CHD7: variants seen among roughly 807,000 people sequenced by gnomAD.
CHD7 encodes chromodomain helicase DNA binding protein 7.
CHD7 carries 24 observed loss-of-function variants against 307.3 expected under a neutral mutation model. That is an observed-to-expected ratio of 0.08 (90% CI 0.06 to 0.11). CHD7 has a LOEUF of 0.11. Ranked by LOEUF, CHD7 falls within the 10% of genes least tolerant of loss-of-function variation. CHD7 has a pLI of 1.00. For synonymous variants in CHD7, 1,363 were observed against 1,349.9 expected, an observed-to-expected ratio of 1.01 and a Z score of -0.21; for missense variants, 3,106 against 3,727.1, an observed-to-expected ratio of 0.83 and a Z score of 4.34.
At chr8:60,826,426 A>G (rs1804256293) in intron 13 of CHD7, among the ~76,000 whole-genome samples, 1 of 152,252 alleles carries the variant, frequency 6.6e-6, no homozygotes, top group Non-Finnish European at 1.5e-5. Context: ...TTAAATCCTT[A>G]CTTAAAATAA....
At chr8:60,800,332 A>T in intron 4 of CHD7, 56 bp from the exon 5 acceptor site, 1 of 1,577,228 alleles carries the variant, frequency 6.3e-7, no homozygotes, top group Non-Finnish European at 8.6e-7. Flanking sequence ...GCGCTCGGCC[A>T]CATTTTTCTT....
chr8:60,719,782 C>A (rs571179074), intron 1 of CHD7, among the ~76,000 whole-genome samples: 1 of 152,140 alleles, frequency 6.6e-6, no homozygotes, highest in South Asian at 2.1e-4. Context: ...CTTCTCATCC[C>A]CACAGGTCTT....
chr8:60,805,332 G>A (rs889278141), intron 6 of CHD7, among the ~76,000 whole-genome samples: 1 of 152,096 alleles, frequency 6.6e-6, no homozygotes, highest in African/African-American at 2.4e-5. Context: ...ATAGTTTTAG[G>A]GGCAAGAAGG....
rs2150749837 is a variant in CHD7 at position 60,822,366 on chromosome 8, T to C, written c.2958-137T>C. ...TCTTTGAGAATTTTGTTTGAAAATATATTTTGTTGAATCTAAGAGAACATC... is the reference window on the plus strand; with the variant it reads ...TCTTTGAGAATTTTGTTTGAAAATACATTTTGTTGAATCTAAGAGAACATC... On this transcript the variant is annotated intron_variant, in intron 11 of 37. Transcript: ENST00000423902. 5.8e-6 allele frequency: 5 copies of C among 863,496 alleles called. No individual in the cohort carries two copies. In the South Asian group the frequency reaches 1.1e-4, roughly 18 times the overall value. 53.5% of individuals were successfully genotyped at this position (863,496 alleles called of 1,614,324 possible).
At chr8:60,860,557 C>T (rs1805922676) in intron 34 of CHD7, among the ~76,000 whole-genome samples, 1 of 152,248 alleles carries the variant, frequency 6.6e-6, no homozygotes, top group African/African-American at 2.4e-5. Flanking sequence ...GCCCCAGCCT[C>T]CCAGGTAGCT....
intron 1 of CHD7, among the ~76,000 whole-genome samples, chr8:60,700,259 A>T (rs1486438006): frequency 6.6e-6 from 1 of 152,178 alleles, no homozygotes. Context: ...GCTCTTTCTA[A>T]CCATATTGGC....
intron 8 of CHD7, among the ~76,000 whole-genome samples, chr8:60,817,469 A>G (rs1803804009): frequency 6.6e-6 from 1 of 152,188 alleles, no homozygotes; most frequent in African/African-American, 2.4e-5. Context: ...TCTGATTTCC[A>G]TGGTCCCAAC....
At chr8:60,739,324 C>A (rs75319595) in intron 1 of CHD7, among the ~76,000 whole-genome samples, 1,975 of 152,304 alleles carry the variant, frequency 0.013, 13 homozygotes, top group Non-Finnish European at 0.019. Flanking sequence ...TTATCAAGTC[C>A]ATTCCAGTAT....
chr8:60,821,653 CACATACATAT>C, intron 9 of CHD7, 127 bp from the exon 10 acceptor site: 2 of 597,880 alleles, frequency 3.3e-6, no homozygotes, highest in South Asian at 3.4e-5. Flanking sequence ...CATATATATA[CACATACATAT>C]ATATGTATAA....
At chr8:60,846,837 G>T (rs1458947470) in intron 23 of CHD7, among the ~76,000 whole-genome samples, 1 of 152,202 alleles carries the variant, frequency 6.6e-6, no homozygotes, top group African/African-American at 2.4e-5. Flanking sequence ...AGCCAGTTAG[G>T]GGGCAGAACC....
intron 1 of CHD7, among the ~76,000 whole-genome samples, chr8:60,692,457 T>C (rs1806245550): frequency 6.6e-6 from 1 of 152,232 alleles, no homozygotes; most frequent in Non-Finnish European, 1.5e-5. Flanking sequence ...TAAGCTACAG[T>C]AACTATTTTG....
intron 16 of CHD7, 63 bp from the exon 17 acceptor site, chr8:60,836,754 A>G: frequency 8.2e-7 from 1 of 1,214,616 alleles, no homozygotes; most frequent in Non-Finnish European, 1.2e-6. Context: ...TAAAAATTAA[A>G]AAAAGGAGCA....
At chr8:60,837,596 G>A (rs890337573) in intron 17 of CHD7, 72 bp from the exon 18 acceptor site, 4 of 1,299,198 alleles carry the variant, frequency 3.1e-6, no homozygotes, top group South Asian at 3.1e-5. Flanking sequence ...GAGGGTTTCA[G>A]CATATGAATT....
intron 1 of CHD7, among the ~76,000 whole-genome samples, chr8:60,722,890 T>A (rs1807981026): frequency 6.6e-6 from 1 of 152,216 alleles, no homozygotes; most frequent in Non-Finnish European, 1.5e-5. Context: ...ACATCAAAAC[T>A]CTACAAGGGG....
chr8:60,701,452 G>A (rs1218750911), intron 1 of CHD7, among the ~76,000 whole-genome samples: 1 of 152,196 alleles, frequency 6.6e-6, no homozygotes, highest in African/African-American at 2.4e-5. Context: ...TTGGATGGTT[G>A]GTTAGGACAG....
chr8:60,751,799 T>G (rs747486052), intron 2 of CHD7, among the ~76,000 whole-genome samples: 1 of 152,092 alleles, frequency 6.6e-6, no homozygotes, highest in African/African-American at 2.4e-5. Context: ...TGATTACAGG[T>G]GATGGAGAAC....
intron 13 of CHD7, among the ~76,000 whole-genome samples, chr8:60,828,119 A>G (rs1174159180): frequency 6.6e-6 from 1 of 152,106 alleles, no homozygotes; most frequent in African/African-American, 2.4e-5. Context: ...GCATCTGATT[A>G]AAAAAAAGTG....
intron 2 of CHD7, among the ~76,000 whole-genome samples, chr8:60,766,679 T>C (rs1314838009): frequency 6.6e-6 from 1 of 152,124 alleles, no homozygotes; most frequent in Non-Finnish European, 1.5e-5. Context: ...TAAGACTAAG[T>C]GAAGGGTCAA....
At chr8:60,687,335 T>C (rs1038986325) in intron 1 of CHD7, among the ~76,000 whole-genome samples, 3 of 152,236 alleles carry the variant, frequency 2.0e-5, no homozygotes, top group Non-Finnish European at 4.4e-5. Flanking sequence ...GTGAAGTATT[T>C]TGAAGTGTAT....
Sources: allele counts gnomAD v4.1 joint callset (sites outside exome capture counted in the v4.1 genomes callset), GRCh38; gene constraint gnomAD v4.1.1; transcripts MANE v1.5; gene names NCBI Gene and HGNC (gene_info 2026-07-23, HGNC 2026-07-21).